Variants in DRC4 observed in about 807,000 individuals in gnomAD.
DRC4 encodes the protein GAS-11.
the DRC4 span, among the ~76,000 whole-genome samples, chr16:90,021,141 G>A: frequency 1.3e-5 from 2 of 152,218 alleles, no homozygotes; most frequent in Admixed American, 6.5e-5. Flanking sequence ...CTTCCAACTG[G>A]CTGCTCCTCT....
At chr16:90,019,691 G>C in the DRC4 span, 11 of 559,892 alleles carry the variant, frequency 2.0e-5, no homozygotes, top group Non-Finnish European at 2.8e-5. This position sits in a 1 kb window ranked among gnomAD's most constrained non-coding sequence, Gnocchi z 6.1. Flanking sequence ...GCGCCCTCCC[G>C]ACCCCGGCCG....
the DRC4 span, chr16:90,042,856 T>C: frequency 0.03 from 14,901 of 502,148 alleles, 291 homozygotes; most frequent in South Asian, 0.042. Context: ...CAGACGTCAT[T>C]CAACAGGGGA....
At chr16:90,025,306 A>G in the DRC4 span, among the ~76,000 whole-genome samples, 1 of 150,654 alleles carries the variant, frequency 6.6e-6, no homozygotes, top group African/African-American at 2.4e-5. Context: ...GGTGTGAGCC[A>G]CTGTGCCTGG....
chr16:90,043,684 C>G, the DRC4 span: 3 of 519,156 alleles, frequency 5.8e-6, no homozygotes, highest in South Asian at 4.6e-5. Context: ...TGCTGCCTGT[C>G]TTCGCGCCAC....
At chr16:90,031,086 A>C in the DRC4 span, 1 of 1,107,348 alleles carries the variant, frequency 9.0e-7, no homozygotes. Flanking sequence ...TTTTATGATT[A>C]TTGGCCAAAT....
chr16:90,023,380 C>G, the DRC4 span, among the ~76,000 whole-genome samples: 1 of 152,248 alleles, frequency 6.6e-6, no homozygotes, highest in South Asian at 2.1e-4. Context: ...GTCTGTCTTT[C>G]TCTTGTAAAG....
chr16:90,040,577 G>C, the DRC4 span: 1 of 1,442,622 alleles, frequency 6.9e-7, no homozygotes, highest in Non-Finnish European at 9.5e-7. Context: ...CTTCAGTTCT[G>C]TGCTGCTCCT....
At chr16:90,023,614 C>T in the DRC4 span, among the ~76,000 whole-genome samples, 1 of 151,348 alleles carries the variant, frequency 6.6e-6, no homozygotes, top group South Asian at 2.1e-4. Context: ...AAAAAGAGAG[C>T]AGTACATTAC....
the DRC4 span, among the ~76,000 whole-genome samples, chr16:90,041,351 C>T: frequency 6.6e-6 from 1 of 152,322 alleles, no homozygotes; most frequent in South Asian, 2.1e-4. Context: ...TGTGAGGGGG[C>T]TGCTGTGTCA....
At chr16:90,042,431 A>T in the DRC4 span, 2 of 1,603,770 alleles carry the variant, frequency 1.2e-6, no homozygotes, top group Admixed American at 3.3e-5. Context: ...CCTCGGCCAA[A>T]AGATGAGTCT....
chr16:90,040,288 C>T, the DRC4 span: 1 of 1,566,390 alleles, frequency 6.4e-7, no homozygotes, highest in South Asian at 1.2e-5. Flanking sequence ...ACCCCCAGCG[C>T]TGTCCCTACA....
the DRC4 span, among the ~76,000 whole-genome samples, chr16:90,023,788 T>C: frequency 1.3e-5 from 2 of 150,440 alleles, no homozygotes; most frequent in Non-Finnish European, 3.0e-5. Flanking sequence ...GGTCAGGAGA[T>C]CCAGACCATC....
chr16:90,022,746 G>A, the DRC4 span: 9 of 1,397,880 alleles, frequency 6.4e-6, no homozygotes, highest in Non-Finnish European at 8.4e-6. Flanking sequence ...CGGGAGCGGG[G>A]CTGGGGTCCT....
the DRC4 span, chr16:90,028,803 A>T: frequency 1.5e-6 from 1 of 661,974 alleles, no homozygotes; most frequent in Non-Finnish European, 2.2e-6. Context: ...TGTTATTGTT[A>T]ATAAATCTTA....
At chr16:90,022,752 G>A in the DRC4 span, 2 of 1,383,976 alleles carry the variant, frequency 1.4e-6, no homozygotes, top group Admixed American at 2.9e-5. Flanking sequence ...CGGGGCTGGG[G>A]TCCTCGGCAG....
the DRC4 span, among the ~76,000 whole-genome samples, chr16:90,034,214 T>C: frequency 6.6e-6 from 1 of 152,232 alleles, no homozygotes; most frequent in Non-Finnish European, 1.5e-5. Flanking sequence ...GTGACGTTGC[T>C]GACTTCGCAG....
chr16:90,033,471 TG>T, the DRC4 span, among the ~76,000 whole-genome samples: 1 of 152,188 alleles, frequency 6.6e-6, no homozygotes, highest in African/African-American at 2.4e-5. Flanking sequence ...GAGACTAGCT[TG>T]GGTGAAATAG....
chr16:90,027,674 CA>C, the DRC4 span: 1 of 1,614,208 alleles, frequency 6.2e-7, no homozygotes, highest in Non-Finnish European at 8.5e-7. Flanking sequence ...AAGCCAAAGG[CA>C]CCCCGATTGT....
chr16:90,036,482 C>T, the DRC4 span: 3 of 1,613,476 alleles, frequency 1.9e-6, no homozygotes, highest in Non-Finnish European at 2.5e-6. Flanking sequence ...GAAGAATGGC[C>T]AGATCCACAC....
Sources: gnomAD v4.1 joint callset for allele counts (sites outside exome capture counted in the v4.1 genomes callset) on GRCh38, gnomAD v4.1.1 for gene constraint, Gnocchi (gnomAD v3.1) non-coding constraint, MANE v1.5 for transcripts, NCBI Gene and HGNC (gene_info 2026-07-23, HGNC 2026-07-21) for gene names.